SDK1: variants seen among roughly 807,000 people sequenced by gnomAD.
SDK1 encodes the protein protein sidekick-1.
A neutral mutation model predicts 245.5 loss-of-function variants in SDK1; 157 were observed. The ratio of observed to expected loss-of-function variants is 0.64; its 90% confidence interval spans 0.56 to 0.73. The LOEUF is 0.73. Among genes scored for constraint, SDK1 ranks in the 30% least tolerant of loss-of-function variants. SDK1 has a pLI of 0.00. For synonymous variants in SDK1, 1,647 were observed against 1,278.5 expected, an observed-to-expected ratio of 1.29 and a Z score of -6.15; for missense variants, 3,583 against 3,002.3, an observed-to-expected ratio of 1.19 and a Z score of -4.52.
At chr7:3,381,813 A>C (rs961922740) in intron 1 of SDK1, among the ~76,000 whole-genome samples, 1 of 152,238 alleles carries the variant, frequency 6.6e-6, no homozygotes, top group Non-Finnish European at 1.5e-5. Flanking sequence ...GAATCCAGTC[A>C]TGGTTAGAGA....
rs1784561833 is a variant in SDK1 at position 3,695,968 on chromosome 7, TC to T, written c.713+53865del. ...TTGGAGTTGCTGACGCTCATTGGCT[TC>T]CTGGCATCTTCTTTTTTGCTTTCCT... On this transcript the variant is annotated intron_variant, in intron 4 of 44. Transcript: ENST00000404826. Among the ~76,000 whole-genome samples, 4 of 152,286 alleles carry T rather than the reference TC, an allele frequency of 2.6e-5. No homozygotes were observed. In the South Asian group the frequency reaches 8.3e-4, roughly 32 times the overall value.
chr7:3,831,381 A>G (rs1428259327), intron 5 of SDK1, among the ~76,000 whole-genome samples: 1 of 152,210 alleles, frequency 6.6e-6, no homozygotes, highest in Non-Finnish European at 1.5e-5. Context: ...GAATGAGTTC[A>G]GTATTCTGAA....
rs145700690 is a variant in SDK1 at position 3,717,652 on chromosome 7, A to G, written c.713+75547A>G. Among the ~76,000 whole-genome samples, 211 of 152,358 alleles carry G rather than the reference A, an allele frequency of 1.4e-3. 2 individuals are homozygous for G. The highest frequency in any genetic ancestry group is 4.8e-3 in the African/African-American group (201 of 41,588). ...AAAATACTACAGCAGGTTTATGCCC[A>G]TAAAGTTGAAAACTTAGATTAGCTG... On this transcript the variant is annotated intron_variant, in intron 4 of 44. Transcript: ENST00000404826.
At chr7:3,444,381 G>A (rs562617706) in intron 1 of SDK1, among the ~76,000 whole-genome samples, 5 of 152,054 alleles carry the variant, frequency 3.3e-5, no homozygotes, top group South Asian at 2.1e-4. Context: ...TTTCTCTACC[G>A]TAGTCTCTTC....
At chr7:4,228,091 G>A (rs142891175) in intron 40 of SDK1, among the ~76,000 whole-genome samples, 15 of 152,312 alleles carry the variant, frequency 9.8e-5, no homozygotes, top group African/African-American at 3.6e-4. Flanking sequence ...AAGAAAAGCC[G>A]CCTCAATGGG....
chr7:3,754,770 A>G (rs1293517387), intron 4 of SDK1, among the ~76,000 whole-genome samples: 2 of 152,204 alleles, frequency 1.3e-5, no homozygotes, highest in African/African-American at 4.8e-5. Context: ...TCATTTGACA[A>G]GATAGTACCC....
At chr7:3,322,968 C>T (rs934484914) in intron 1 of SDK1, among the ~76,000 whole-genome samples, 2 of 152,138 alleles carry the variant, frequency 1.3e-5, no homozygotes, top group African/African-American at 4.8e-5. Context: ...TGCCGCCACA[C>T]CTGGCTCATT....
At chr7:3,903,008 G>T (rs1427214795) in intron 5 of SDK1, among the ~76,000 whole-genome samples, 1 of 151,874 alleles carries the variant, frequency 6.6e-6, no homozygotes, top group African/African-American at 2.4e-5. Flanking sequence ...TAAAAAAAAC[G>T]GGCAATAAAC....
At chr7:4,082,398 G>A (rs995449545) in intron 22 of SDK1, among the ~76,000 whole-genome samples, 3 of 151,986 alleles carry the variant, frequency 2.0e-5, no homozygotes, top group Non-Finnish European at 4.4e-5. Context: ...AGCCAGGCAT[G>A]GTGGCGCACG....
intron 44 of SDK1, among the ~76,000 whole-genome samples, chr7:4,256,414 C>T (rs1337412229): frequency 1.3e-5 from 2 of 152,150 alleles, no homozygotes; most frequent in African/African-American, 2.4e-5. Context: ...TCCAAGTTTA[C>T]AGAAACGGAA....
chr7:4,080,033 G>A (rs1055721713), intron 22 of SDK1, among the ~76,000 whole-genome samples: 3 of 152,214 alleles, frequency 2.0e-5, no homozygotes, highest in Non-Finnish European at 4.4e-5. Flanking sequence ...GGCTATTGCA[G>A]TAGACAAAGC....
rs907513791 is a variant in SDK1 at position 4,266,144 on chromosome 7, C to G, written c.*760C>G. The G allele has an allele frequency of 1.0e-6, 1 of 985,406 alleles. No individual in the cohort carries two copies. The highest frequency in any genetic ancestry group is 1.2e-6 in the Non-Finnish European group (1 of 829,976). The allele number at this position is 985,406 out of a possible 1,614,324, so 61.0% of individuals were successfully genotyped here. A position where few individuals can be genotyped will look rare whatever the true frequency, so the allele number is the denominator to read the frequency against. On this transcript the variant is annotated 3_prime_UTR_variant, in exon 45 of 45. Coordinates refer to ENST00000404826, the MANE Select transcript of SDK1 (RefSeq NM_152744.4). ...GGCTGGAAGCCACCACGCTGGCCCT[C>G]TCCTTCCCCGAACACAGCACACGGT...
At chr7:3,543,733 T>A (rs1426417633) in intron 1 of SDK1, among the ~76,000 whole-genome samples, 1 of 152,254 alleles carries the variant, frequency 6.6e-6, no homozygotes, top group African/African-American at 2.4e-5. Context: ...ACTTCATGTT[T>A]ACAGTGTGTT....
At chr7:3,478,458 A>G (rs894014796) in intron 1 of SDK1, among the ~76,000 whole-genome samples, 3 of 152,226 alleles carry the variant, frequency 2.0e-5, no homozygotes, top group East Asian at 3.9e-4. Flanking sequence ...TATTAGAAAA[A>G]TAACCTAGGA....
intron 17 of SDK1, among the ~76,000 whole-genome samples, chr7:4,039,313 G>A (rs916759521): frequency 6.6e-6 from 1 of 150,594 alleles, no homozygotes; most frequent in Non-Finnish European, 1.5e-5. Context: ...AAAAAAAAAA[G>A]TTTCTTATTA....
Position 3,760,759 on chromosome 7 carries a change from G to A in SDK1, c.714-60691G>A, listed in dbSNP as rs151333166. Among the ~76,000 whole-genome samples, 4 of 152,246 alleles carry A rather than the reference G, an allele frequency of 2.6e-5. No homozygotes were observed. The East Asian group carries it at 5.8e-4, about 22-fold the overall frequency. ...CCACTGATCTGTTTCTGACTTTTCC[G>A]TTTTTGCCTTTCTCAGTAGGCAATA... On this transcript the variant is annotated intron_variant, in intron 4 of 44. Transcript: ENST00000404826.
chr7:3,974,677 A>G lies in SDK1; in HGVS notation c.1994+132A>G, dbSNP rs1040229321. The stretch of plus-strand genomic sequence containing the variant: ...GTCAGCGGTCAGAGGCCAGCGCATC[A>G]TGCTGCATAACTACATATATGGACA... On this transcript the variant is annotated intron_variant, in intron 13 of 44. Coordinates refer to ENST00000404826, the MANE Select transcript of SDK1 (RefSeq NM_152744.4). 3.0e-5 allele frequency: 22 copies of G among 741,448 alleles called. No homozygotes were observed. In the African/African-American group the frequency reaches 3.0e-4, roughly 10 times the overall value. 45.9% of individuals were successfully genotyped at this position (741,448 alleles called of 1,614,324 possible). A position where few individuals can be genotyped will look rare whatever the true frequency, so the allele number is the denominator to read the frequency against.
intron 5 of SDK1, among the ~76,000 whole-genome samples, chr7:3,857,666 G>T (rs769970814): frequency 6.7e-6 from 1 of 148,466 alleles, no homozygotes; most frequent in African/African-American, 2.5e-5. Flanking sequence ...CAGCCTGGCC[G>T]ACAGAGTAAG....
chr7:3,816,534 A>G (rs1028737366), intron 4 of SDK1, among the ~76,000 whole-genome samples: 4 of 151,532 alleles, frequency 2.6e-5, no homozygotes, highest in Admixed American at 2.6e-4. Flanking sequence ...CACTCTCCCA[A>G]GACTAAACCA....
Sources: gnomAD v4.1 joint callset for allele counts (sites outside exome capture counted in the v4.1 genomes callset) on GRCh38, gnomAD v4.1.1 for gene constraint, MANE v1.5 for transcripts, NCBI Gene and HGNC (gene_info 2026-07-23, HGNC 2026-07-21) for gene names.